The following VWF variants were observed in gnomAD, a reference collection of about 807,000 sequenced individuals.
The protein encoded by VWF is Factor VIII related antigen.
VWF carries 176 observed loss-of-function variants against 308.6 expected under a neutral mutation model. The observed-to-expected ratio is 0.57, with a 90% CI of 0.50 to 0.65. The LOEUF is 0.65. Among genes scored for constraint, VWF ranks in the 30% least tolerant of loss-of-function variants. The pLI is 0.00. For missense variants in VWF, 3,146 were observed against 3,648.2 expected, an observed-to-expected ratio of 0.86 and a Z score of 3.55; for synonymous variants, 1,385 against 1,443.4, an observed-to-expected ratio of 0.96 and a Z score of 0.92.
chr12:6,049,578 C>T (rs1266797900), intron 16 of VWF, among the ~76,000 whole-genome samples: 1 of 152,252 alleles, frequency 6.6e-6, no homozygotes, highest in Non-Finnish European at 1.5e-5. Context: ...CGTCTATTCT[C>T]ACTGTAATAA....
intron 16 of VWF, among the ~76,000 whole-genome samples, chr12:6,048,925 C>A (rs898703641): frequency 3.3e-5 from 5 of 152,196 alleles, no homozygotes; most frequent in Non-Finnish European, 7.3e-5. Flanking sequence ...TCCACCCGCC[C>A]CCGTAAATGT....
intron 6 of VWF, among the ~76,000 whole-genome samples, chr12:6,089,091 T>A (rs1271188227): frequency 6.6e-6 from 1 of 152,166 alleles, no homozygotes; most frequent in African/African-American, 2.4e-5. Context: ...CGAACGGCCC[T>A]TGGAGCCACA....
chr12:6,026,417 C>T (rs368668586), intron 22 of VWF, among the ~76,000 whole-genome samples: 1 of 152,162 alleles, frequency 6.6e-6, no homozygotes, highest in Non-Finnish European at 1.5e-5. Flanking sequence ...AGGTACACTG[C>T]TCCACCAATG....
chr12:6,057,401 C>T lies in VWF; in HGVS notation c.1730-329G>A, dbSNP rs1417525578. On this transcript the variant is annotated intron_variant, in intron 14 of 51. Transcript: ENST00000261405. ...GCGATCTTGGCTCACTGCGGCCTTG[C>T]CTTCCTGGGTTCATGCAACCGTCCC... is the stretch of plus-strand genomic sequence containing the variant. Among the ~76,000 whole-genome samples the T allele has an allele frequency of 2.7e-5, 4 of 147,644 alleles. No individual in the cohort carries two copies. In the East Asian group the frequency reaches 7.9e-4, roughly 29 times the overall value.
At chr12:6,001,947 C>T (rs1465069835) in intron 34 of VWF, among the ~76,000 whole-genome samples, 4 of 151,930 alleles carry the variant, frequency 2.6e-5, no homozygotes, top group Non-Finnish European at 5.9e-5. Context: ...AAGATCTTTA[C>T]ACTTGGAAAT....
At chr12:6,099,318 C>CAAA (rs1177262693) in intron 5 of VWF, among the ~76,000 whole-genome samples, 6 of 65,558 alleles carry the variant, frequency 9.2e-5, no homozygotes, top group Admixed American at 1.7e-4. Flanking sequence ...GACTCTATCT[C>CAAA]AAAAAAAAAA....
chr12:5,961,803 A>G (rs957979121), intron 47 of VWF, among the ~76,000 whole-genome samples: 5 of 152,210 alleles, frequency 3.3e-5, no homozygotes, highest in East Asian at 3.8e-4. Flanking sequence ...AAATCATTGC[A>G]GAGAAAAATT....
chr12:6,092,616 A>AGAGT lies in VWF; in HGVS notation c.657+2840_657+2843dup, dbSNP rs1555073711. 6.2e-5 allele frequency among the ~76,000 whole-genome samples: 6 copies of AGAGT among 96,622 alleles called. No homozygotes were observed. In the East Asian group the frequency reaches 9.6e-4, roughly 16 times the overall value. 63.4% of individuals were successfully genotyped at this position (96,622 alleles called of 152,430 possible). A position where few individuals can be genotyped will look rare whatever the true frequency, so the allele number is the denominator to read the frequency against. Reference sequence around the variant, plus strand: ...TGCCCAGCTAGTTAGTGAGTGAGTGAGAGTGTGTGTGTGTGTGTGTGTGTG... The same window carrying AGAGT: ...TGCCCAGCTAGTTAGTGAGTGAGTGAGAGTGAGTGTGTGTGTGTGTGTGTGTGTG... On this transcript the variant is annotated intron_variant, in intron 6 of 51. Transcript: ENST00000261405.
intron 32 of VWF, among the ~76,000 whole-genome samples, chr12:6,012,642 C>G (rs58073482): frequency 6.7e-6 from 1 of 149,658 alleles, no homozygotes; most frequent in Non-Finnish European, 1.5e-5. Flanking sequence ...CATCTAGTAA[C>G]GGGAAAATAT....
At chr12:5,952,699 A>G (rs1332052535) in intron 48 of VWF, among the ~76,000 whole-genome samples, 180 bp from the exon 49 acceptor site, 1 of 152,234 alleles carries the variant, frequency 6.6e-6, no homozygotes, top group Non-Finnish European at 1.5e-5. Context: ...TCCCAGTTTT[A>G]CAGCTTGTAT....
chr12:6,046,797 A>G lies in VWF; in HGVS notation c.2207T>C (p.Met736Thr), dbSNP rs149168790. ...HTMCYCEDGF[M>T]HCTMSGVPGS... ...GGGGACTCCACTCATGGTACAGTGCATGAAGCCATCCTCACAGTAGCTGCA... is the reference window on the plus strand; with the variant it reads ...GGGGACTCCACTCATGGTACAGTGCGTGAAGCCATCCTCACAGTAGCTGCA... Residue 736 changes from methionine to threonine, a missense_variant, in exon 17 of 52, where the codon ATG (methionine) becomes ACG (threonine). Met to Thr is a moderately conservative substitution (Grantham distance 81). Coordinates refer to ENST00000261405, the MANE Select transcript of VWF (RefSeq NM_000552.5). The surrounding 1 kb of genome is among the most constrained non-coding windows in gnomAD (Gnocchi z 5.0). The G allele has an allele frequency of 2.8e-5, 45 of 1,614,004 alleles. No homozygotes were observed. Among genetic ancestry groups the G allele is most frequent in the Non-Finnish European group, 3.6e-5 (43 of 1,180,044 alleles).
rs2136455275 is a variant in VWF, at chr12:6,057,616, T to C, written c.1729+233A>G. Among the ~76,000 whole-genome samples, 3 of 150,638 alleles carry C rather than the reference T, an allele frequency of 2.0e-5. No homozygotes were observed. The South Asian group carries it at 6.3e-4, about 32-fold the overall frequency. ...CCTCCCGCCTCGGTAGACTTTTTTT[T>C]TTTTTTTCTTTCCCGGGGGTTGGCC... On this transcript the variant is annotated intron_variant, in intron 14 of 51. Transcript: ENST00000261405.
At chr12:6,103,406 GTAT>G (rs1565390918) in intron 5 of VWF, among the ~76,000 whole-genome samples, 72 of 115,934 alleles carry the variant, frequency 6.2e-4, no homozygotes, top group African/African-American at 3.7e-3. Context: ...ACACGTGTGT[GTAT>G]ACACACGTGT....
intron 3 of VWF, among the ~76,000 whole-genome samples, chr12:6,112,591 C>G (rs1945319386): frequency 6.6e-6 from 1 of 152,182 alleles, no homozygotes; most frequent in African/African-American, 2.4e-5. Context: ...GAGCAAATCT[C>G]TCTTCTCCTA....
chr12:5,955,372 C>T (rs1943236067), intron 47 of VWF, among the ~76,000 whole-genome samples: 1 of 151,960 alleles, frequency 6.6e-6, no homozygotes, highest in Admixed American at 6.5e-5. Flanking sequence ...CCCCACTCCC[C>T]CCACCCCACA....
intron 38 of VWF, among the ~76,000 whole-genome samples, chr12:5,990,212 T>C (rs1943722733): frequency 1.3e-5 from 2 of 152,202 alleles, no homozygotes; most frequent in Admixed American, 1.3e-4. Flanking sequence ...CCAATGAACA[T>C]GAGTTAGCCC....
chr12:6,085,344 T>C (rs1039356280), intron 6 of VWF, among the ~76,000 whole-genome samples: 1 of 152,230 alleles, frequency 6.6e-6, no homozygotes, highest in African/African-American at 2.4e-5. Context: ...CTTGGCGATT[T>C]GTCATTTACT....
rs1368264172 is a variant in VWF, at chr12:5,969,313, G to A, written c.7627C>T (p.Gln2543Ter). ...TGGGGGCAGGAGACGTTCCTTTGTT[G>A]TATAAAGACCTCCTCCTTCACTCGG... ...CVRVKEEVFI[Q>*]QRNVSCPQLE... Residue 2543 changes from glutamine (Q) to a stop codon, truncating the protein, a stop_gained, in exon 45 of 52, where the codon CAA becomes TAA. Coordinates refer to ENST00000261405, the MANE Select transcript of VWF (RefSeq NM_000552.5). LOFTEE classifies it high-confidence loss of function. 13 of 1,614,084 alleles carry A rather than the reference G, an allele frequency of 8.1e-6. No homozygotes were observed. The highest frequency in any genetic ancestry group is 1.1e-5 in the Non-Finnish European group (13 of 1,180,048).
At chr12:5,976,860 G>T (rs781326684) in intron 42 of VWF, among the ~76,000 whole-genome samples, 1 of 152,192 alleles carries the variant, frequency 6.6e-6, no homozygotes, top group Non-Finnish European at 1.5e-5. Flanking sequence ...AAAGGGAAAC[G>T]TGGAAAGTCT....
Sources: allele counts gnomAD v4.1 joint callset (sites outside exome capture counted in the v4.1 genomes callset), GRCh38; gene constraint gnomAD v4.1.1; non-coding constraint Gnocchi (gnomAD v3.1); transcripts MANE v1.5; gene names NCBI Gene and HGNC (gene_info 2026-07-23, HGNC 2026-07-21).